Variants in NRXN3 observed in about 807,000 individuals in gnomAD.
NRXN3 encodes the protein neurexin 3.
NRXN3 carries 32 observed loss-of-function variants against 137.6 expected under a neutral mutation model. The observed-to-expected ratio is 0.23, with a 90% CI of 0.18 to 0.31. NRXN3 has a LOEUF of 0.31. Ranked by LOEUF, NRXN3 falls within the 10% of genes least tolerant of loss-of-function variation. The pLI is 1.00. For missense variants in NRXN3, 1,574 were observed against 2,062.5 expected, an observed-to-expected ratio of 0.76 and a Z score of 4.59; for synonymous variants, 798 against 784.5, an observed-to-expected ratio of 1.02 and a Z score of -0.29.
At chr14:78,173,608 C>T (rs960912859) in intron 1 of NRXN3, among the ~76,000 whole-genome samples, 4 of 142,398 alleles carry the variant, frequency 2.8e-5, no homozygotes, top group East Asian at 2.2e-4. Flanking sequence ...ACACTGCTCC[C>T]CCCACCCTAG....
chr14:79,073,680 T>G (rs951063456), intron 15 of NRXN3, among the ~76,000 whole-genome samples: 1 of 152,242 alleles, frequency 6.6e-6, no homozygotes, highest in South Asian at 2.1e-4. Context: ...TTTAAAAATC[T>G]AAGTCAGAAA....
chr14:78,259,840 G>A (rs1420296986), intron 2 of NRXN3, among the ~76,000 whole-genome samples: 1 of 152,140 alleles, frequency 6.6e-6, no homozygotes, highest in Admixed American at 6.5e-5. Flanking sequence ...GCTGTGTTGT[G>A]TGTTGCTGTT....
At chr14:78,991,556 G>T (rs1358458492) in intron 15 of NRXN3, among the ~76,000 whole-genome samples, 7 of 152,122 alleles carry the variant, frequency 4.6e-5, no homozygotes, top group Non-Finnish European at 8.8e-5. Context: ...TAATGAACAT[G>T]AAAACACTTC....
chr14:78,534,443 A>T (rs977601826), intron 4 of NRXN3, among the ~76,000 whole-genome samples: 6 of 152,218 alleles, frequency 3.9e-5, no homozygotes, highest in Admixed American at 3.9e-4. Flanking sequence ...TGTCATAATC[A>T]TATTCAGAAA....
intron 16 of NRXN3, among the ~76,000 whole-genome samples, chr14:79,494,046 G>A (rs1041655412): frequency 2.0e-5 from 3 of 152,134 alleles, no homozygotes; most frequent in African/African-American, 4.8e-5. Flanking sequence ...TTGAATGAAT[G>A]TATAAAAAGT....
chr14:79,036,614 T>G (rs1422548890), intron 15 of NRXN3, among the ~76,000 whole-genome samples: 2 of 130,442 alleles, frequency 1.5e-5, no homozygotes, highest in Non-Finnish European at 3.0e-5. Flanking sequence ...TTTTTTTTTT[T>G]TTTTTTTTTT....
At chr14:79,857,648 T>C (rs1045514329) in intron 20 of NRXN3, among the ~76,000 whole-genome samples, 1 of 152,186 alleles carries the variant, frequency 6.6e-6, no homozygotes, top group Non-Finnish European at 1.5e-5. Flanking sequence ...TGGAATTTAA[T>C]ATTAAAATTA....
chr14:79,677,833 T>A (rs1269727439), intron 17 of NRXN3, among the ~76,000 whole-genome samples: 3 of 152,166 alleles, frequency 2.0e-5, no homozygotes, highest in African/African-American at 7.2e-5. Context: ...TATTTCCATT[T>A]CCAGTAGTTG....
intron 4 of NRXN3, among the ~76,000 whole-genome samples, chr14:78,306,629 A>G (rs562933758): frequency 6.6e-6 from 1 of 152,268 alleles, no homozygotes; most frequent in South Asian, 2.1e-4. Flanking sequence ...TATAGGTACA[A>G]TTTGCACAAG....
intron 8 of NRXN3, among the ~76,000 whole-genome samples, chr14:78,788,698 G>A (rs1344004515): frequency 1.3e-5 from 2 of 152,150 alleles, no homozygotes; most frequent in Non-Finnish European, 2.9e-5. Flanking sequence ...ATTACCCCTA[G>A]AGGGCCCACT....
intron 15 of NRXN3, among the ~76,000 whole-genome samples, chr14:79,239,032 T>C (rs942953834): frequency 6.6e-6 from 1 of 152,122 alleles, no homozygotes; most frequent in Admixed American, 6.6e-5. Context: ...CCCCAGTAGT[T>C]GCCTTTAACT....
chr14:78,707,320 G>A (rs182059688), intron 6 of NRXN3, among the ~76,000 whole-genome samples: 341 of 152,246 alleles, frequency 2.2e-3, no homozygotes, highest in Non-Finnish European at 4.3e-3. Context: ...AAAGAAAATA[G>A]GAAAATAGTT....
At chr14:78,228,058 G>T (rs1349309747) in intron 1 of NRXN3, among the ~76,000 whole-genome samples, 1 of 152,076 alleles carries the variant, frequency 6.6e-6, no homozygotes, top group Non-Finnish European at 1.5e-5. Context: ...ATTGCCAAGG[G>T]TATGGAGATG....
intron 15 of NRXN3, among the ~76,000 whole-genome samples, chr14:79,466,723 A>C (rs2096430975): frequency 6.6e-6 from 1 of 152,094 alleles, no homozygotes; most frequent in South Asian, 2.1e-4. Flanking sequence ...GGAGTGGGAG[A>C]AGGTACAAGC....
At chr14:79,478,579 T>TA (rs1162600449) in intron 16 of NRXN3, among the ~76,000 whole-genome samples, 1 of 152,132 alleles carries the variant, frequency 6.6e-6, no homozygotes, top group Non-Finnish European at 1.5e-5. Context: ...TTACCCTATG[T>TA]AAATGGTAGA....
At chr14:78,298,936 G>A (rs1261889079) in intron 4 of NRXN3, among the ~76,000 whole-genome samples, 3 of 152,100 alleles carry the variant, frequency 2.0e-5, no homozygotes, top group African/African-American at 4.8e-5. Context: ...TGACATAAAC[G>A]GCAGTATCAT....
At chr14:79,326,279 C>G (rs555993333) in intron 15 of NRXN3, among the ~76,000 whole-genome samples, 1 of 152,258 alleles carries the variant, frequency 6.6e-6, no homozygotes, top group Non-Finnish European at 1.5e-5. Context: ...GTCCGTATCC[C>G]TAAATCATAT....
rs574662980 is a variant in NRXN3 at position 79,001,922 on chromosome 14, A to T, written c.3262+13781A>T. ...AGAGTTTTTGTAAAGCTTCAGGTAGAACCTTATGTTAGAAATGTAAAACCT... is the reference window on the plus strand; with the variant it reads ...AGAGTTTTTGTAAAGCTTCAGGTAGTACCTTATGTTAGAAATGTAAAACCT... On this transcript the variant is annotated intron_variant, in intron 15 of 20. Coordinates refer to ENST00000335750, the MANE Select transcript of NRXN3 (RefSeq NM_001330195.2). Among the ~76,000 whole-genome samples the T allele has an allele frequency of 4.6e-5, 7 of 152,322 alleles. No individual in the cohort carries two copies. In the East Asian group the frequency reaches 1.4e-3, roughly 29 times the overall value.
intron 15 of NRXN3, among the ~76,000 whole-genome samples, chr14:79,303,118 G>A (rs2085421914): frequency 6.6e-6 from 1 of 151,962 alleles, no homozygotes; most frequent in African/African-American, 2.4e-5. Flanking sequence ...AACCCCCAAA[G>A]CTTGTGCCCT....
Sources: gnomAD v4.1 joint callset for allele counts (sites outside exome capture counted in the v4.1 genomes callset) on GRCh38, gnomAD v4.1.1 for gene constraint, MANE v1.5 for transcripts, NCBI Gene and HGNC (gene_info 2026-07-23, HGNC 2026-07-21) for gene names.